Variants in TMTC1 observed in about 807,000 individuals in gnomAD.
The protein encoded by TMTC1 is transmembrane O-mannosyltransferase targeting cadherins 1.
Under a neutral mutation model 104.8 loss-of-function variants are expected in TMTC1, and 73 were observed. The ratio of observed to expected loss-of-function variants is 0.70; its 90% CI spans 0.58 to 0.85. TMTC1 has a LOEUF of 0.85. Ranked by LOEUF, TMTC1 falls within the 40% of genes least tolerant of loss-of-function variation. TMTC1 has a pLI of 0.00. For synonymous variants in TMTC1, 434 were observed against 428.7 expected, an observed-to-expected ratio of 1.01 and a Z score of -0.15; for missense variants, 1,035 against 1,096.1, an observed-to-expected ratio of 0.94 and a Z score of 0.79.
At chr12:29,557,468 A>G (rs1022496402) in intron 9 of TMTC1, among the ~76,000 whole-genome samples, 2 of 152,114 alleles carry the variant, frequency 1.3e-5, no homozygotes, top group Admixed American at 1.3e-4. Context: ...CAAAAACAAA[A>G]AAACGGAGTT....
intron 16 of TMTC1, among the ~76,000 whole-genome samples, 171 bp downstream of exon 16, chr12:29,514,311 C>A (rs1943921916): frequency 6.6e-6 from 1 of 151,876 alleles, no homozygotes; most frequent in African/African-American, 2.4e-5. Flanking sequence ...GCCAGATGCT[C>A]AATGATAAAA....
At chr12:29,651,907 A>ACCCCCC (rs1939540211) in intron 5 of TMTC1, among the ~76,000 whole-genome samples, 1 of 151,692 alleles carries the variant, frequency 6.6e-6, no homozygotes, top group African/African-American at 2.4e-5. Context: ...TTGCCCAAAA[A>ACCCCCC]AAAAAAAAAT....
intron 6 of TMTC1, among the ~76,000 whole-genome samples, chr12:29,614,783 T>C (rs140322090): frequency 6.6e-6 from 1 of 152,390 alleles, no homozygotes; most frequent in East Asian, 1.9e-4. Context: ...TTGGGAGTTA[T>C]ATTTTTCTTG....
intron 5 of TMTC1, among the ~76,000 whole-genome samples, chr12:29,697,577 G>A (rs1366014810): frequency 6.6e-6 from 1 of 151,254 alleles, no homozygotes; most frequent in Non-Finnish European, 1.5e-5. Context: ...ATGGAGGCTA[G>A]AAAGTTCAAA....
intron 6 of TMTC1, among the ~76,000 whole-genome samples, chr12:29,606,219 C>T (rs1946695666): frequency 1.3e-5 from 2 of 152,326 alleles, no homozygotes; most frequent in Middle Eastern, 3.4e-3. Flanking sequence ...TTTGGGCATA[C>T]ACCCAGTAGT....
At chr12:29,681,099 C>A (rs1436760475) in intron 5 of TMTC1, among the ~76,000 whole-genome samples, 759 of 106,926 alleles carry the variant, frequency 7.1e-3, no homozygotes, top group African/African-American at 7.8e-3. Flanking sequence ...ACCCTGTCTC[C>A]AAAAAAAAAA....
At chr12:29,624,677 G>A (rs1398118794) in intron 6 of TMTC1, among the ~76,000 whole-genome samples, 2 of 152,132 alleles carry the variant, frequency 1.3e-5, no homozygotes, top group African/African-American at 4.8e-5. Flanking sequence ...CTGCTCTAAT[G>A]TCACCTTATC....
chr12:29,604,996 C>T lies in TMTC1; in HGVS notation c.1129-697G>A, dbSNP rs762542297. Reference sequence around the variant, plus strand: ...AGATTTTTATGTCACTTATAATTAACAGAAAAAAACTTCTGTTTATTACTG... The same window carrying T: ...AGATTTTTATGTCACTTATAATTAATAGAAAAAAACTTCTGTTTATTACTG... On this transcript the variant is annotated intron_variant, in intron 6 of 17. Coordinates refer to ENST00000539277, the MANE Select transcript of TMTC1 (RefSeq NM_001193451.2). Among the ~76,000 whole-genome samples the T allele has an allele frequency of 2.6e-4, 39 of 151,974 alleles. No homozygotes were observed. In the South Asian group the frequency reaches 3.3e-3, roughly 13 times the overall value.
At chr12:29,649,431 G>A (rs549531615) in intron 5 of TMTC1, among the ~76,000 whole-genome samples, 50 of 152,332 alleles carry the variant, frequency 3.3e-4, no homozygotes, top group African/African-American at 1.2e-3. Context: ...GAAACTAAAG[G>A]AGAGAGGAGG....
chr12:29,599,948 A>T lies in TMTC1; in HGVS notation c.1250+4230T>A, dbSNP rs1040059741. Among the ~76,000 whole-genome samples the T allele has an allele frequency of 2.8e-5, 4 of 143,004 alleles. No homozygotes were observed. The East Asian group carries it at 7.9e-4, about 28-fold the overall frequency. 93.8% of individuals were successfully genotyped at this position (143,004 alleles called of 152,430 possible). On this transcript the variant is annotated intron_variant, in intron 7 of 17. Coordinates refer to ENST00000539277, the MANE Select transcript of TMTC1 (RefSeq NM_001193451.2). ...TATATGTGTATATATATGTGTGTGT[A>T]TATATATGTGTATATATATATGTGT...
In TMTC1 at chr12:29,779,806, T is replaced by C. The variant is rs147847361; in HGVS notation, c.302+3644A>G. On this transcript the variant is annotated intron_variant, in intron 1 of 17. Transcript: ENST00000539277. ...TGACAAAGTACATGTATCTAGAATA[T>C]ATAAAGAACTTCAATACTCAACATT... 3.1e-4 allele frequency among the ~76,000 whole-genome samples: 45 copies of C among 146,964 alleles called. 1 individual carries two copies. The highest frequency in any genetic ancestry group is 1.1e-3 in the African/African-American group (44 of 40,206).
intron 7 of TMTC1, 99 bp from the exon 8 acceptor site, chr12:29,583,673 C>G: frequency 8.6e-7 from 1 of 1,162,786 alleles, no homozygotes; most frequent in Non-Finnish European, 1.2e-6. Flanking sequence ...GAAGCTTGTC[C>G]TGTGCTAGAG....
intron 6 of TMTC1, among the ~76,000 whole-genome samples, chr12:29,615,070 T>C (rs754061637): frequency 5.9e-5 from 9 of 152,212 alleles, no homozygotes; most frequent in African/African-American, 9.6e-5. Flanking sequence ...CACTTTTTCA[T>C]ACCAAATGCC....
chr12:29,703,284 G>C (rs1941652521), intron 5 of TMTC1, among the ~76,000 whole-genome samples: 1 of 152,148 alleles, frequency 6.6e-6, no homozygotes, highest in Non-Finnish European at 1.5e-5. Context: ...GAGTAAAACA[G>C]TGCTTTACTC....
rs138568435 is a variant in TMTC1, at chr12:29,631,951, G to A, written c.1128+1196C>T. 2.0e-4 allele frequency among the ~76,000 whole-genome samples: 31 copies of A among 152,280 alleles called. No individual in the cohort carries two copies. In the East Asian group the frequency reaches 5.6e-3, roughly 28 times the overall value. ...TTTTCCAATCTCTGCTGCTCAACTC[G>A]TGCACGCATTGAAGAATGGATTCAA... is the stretch of plus-strand genomic sequence containing the variant. On this transcript the variant is annotated intron_variant, in intron 6 of 17. Coordinates refer to ENST00000539277, the MANE Select transcript of TMTC1 (RefSeq NM_001193451.2).
At chr12:29,522,665 C>G (rs1458158068) in intron 11 of TMTC1, among the ~76,000 whole-genome samples, 1 of 151,916 alleles carries the variant, frequency 6.6e-6, no homozygotes, top group Non-Finnish European at 1.5e-5. Context: ...GGTGTATATT[C>G]ATGTATCCAT....
intron 17 of TMTC1, among the ~76,000 whole-genome samples, chr12:29,509,274 T>C (rs1565632643): frequency 6.6e-6 from 1 of 152,238 alleles, no homozygotes; most frequent in African/African-American, 2.4e-5. Context: ...AAATGTATTA[T>C]AATTTCTTGG....
chr12:29,546,209 T>C (rs1339675310), intron 10 of TMTC1, among the ~76,000 whole-genome samples: 1 of 152,172 alleles, frequency 6.6e-6, no homozygotes, highest in African/African-American at 2.4e-5. Context: ...ACAACTGGTG[T>C]GGGCAGGCTC....
intron 15 of TMTC1, among the ~76,000 whole-genome samples, chr12:29,514,911 G>C (rs373583616): frequency 3.9e-5 from 6 of 152,076 alleles, no homozygotes; most frequent in Non-Finnish European, 8.8e-5. Context: ...CTACTGGGGG[G>C]GCTGAGATGG....
Sources: gnomAD v4.1 joint callset for allele counts (sites outside exome capture counted in the v4.1 genomes callset) on GRCh38, gnomAD v4.1.1 for gene constraint, MANE v1.5 for transcripts, NCBI Gene and HGNC (gene_info 2026-07-23, HGNC 2026-07-21) for gene names.